Variants in TG observed in about 807,000 individuals in gnomAD.
TG encodes the protein thyroglobulin, also known as thyroid hormones.
Under a neutral mutation model 324.7 loss-of-function variants are expected in TG, and 270 were observed. The ratio of observed to expected loss-of-function variants is 0.83; its 90% confidence interval spans 0.75 to 0.92. TG has a LOEUF of 0.92. Among genes scored for constraint, TG ranks in the 40% least tolerant of loss-of-function variants. The pLI is 0.00. For missense variants in TG, 3,591 were observed against 3,456.4 expected, an observed-to-expected ratio of 1.04 and a Z score of -0.98; for synonymous variants, 1,401 against 1,327.0, an observed-to-expected ratio of 1.06 and a Z score of -1.21.
intron 11 of TG, among the ~76,000 whole-genome samples, chr8:132,896,006 G>A (rs978464073): frequency 3.9e-5 from 6 of 152,262 alleles, no homozygotes; most frequent in African/African-American, 7.2e-5. Flanking sequence ...TGGGGATTGA[G>A]GGCCCAGAGC....
intron 29 of TG, among the ~76,000 whole-genome samples, chr8:132,963,990 A>G (rs1385299443): frequency 1.3e-5 from 2 of 151,970 alleles, no homozygotes; most frequent in African/African-American, 4.8e-5. Context: ...TTAGATAGCA[A>G]CCACTTGGCA....
At chr8:133,019,531 T>A in intron 38 of TG, 71 bp from the exon 39 acceptor site, 1 of 1,363,948 alleles carries the variant, frequency 7.3e-7, no homozygotes, top group Non-Finnish European at 1.0e-6. Flanking sequence ...TAGTGGGCTC[T>A]GACCATGGTG....
intron 21 of TG, 84 bp from the exon 22 acceptor site, chr8:132,923,254 T>G: frequency 6.7e-7 from 1 of 1,484,818 alleles, no homozygotes; most frequent in South Asian, 1.2e-5. Context: ...TTGGACACCT[T>G]GTCAATGACC....
intron 22 of TG, 30 bp from the exon 23 acceptor site, chr8:132,929,046 T>C: frequency 1.3e-6 from 2 of 1,583,452 alleles, no homozygotes; most frequent in African/African-American, 2.7e-5. Context: ...CCCTTCTGAG[T>C]CAGATTTACT....
At chr8:132,898,952 C>G in intron 14 of TG, 42 bp downstream of exon 14, 1 of 1,533,016 alleles carries the variant, frequency 6.5e-7, no homozygotes, top group Non-Finnish European at 9.0e-7. Context: ...GGACTTGTCC[C>G]CGCTGGTCAG....
At chr8:132,896,454 A>G (rs1003707106) in intron 11 of TG, among the ~76,000 whole-genome samples, 2 of 152,180 alleles carry the variant, frequency 1.3e-5, no homozygotes, top group Non-Finnish European at 2.9e-5. Flanking sequence ...AACTGTCCCA[A>G]TGAACTGCAG....
At chr8:132,928,620 T>G (rs971315728) in intron 22 of TG, among the ~76,000 whole-genome samples, 3 of 152,234 alleles carry the variant, frequency 2.0e-5, no homozygotes, top group Non-Finnish European at 4.4e-5. Flanking sequence ...CTGAGCCACA[T>G]GACATGTCTT....
chr8:132,902,394 AG>A (rs1389416695), intron 16 of TG, among the ~76,000 whole-genome samples: 3 of 152,014 alleles, frequency 2.0e-5, no homozygotes, highest in African/African-American at 7.3e-5. Flanking sequence ...AGATGGGAGG[AG>A]CCTCAGAAGC....
chr8:133,030,954 C>T (rs1376847283), intron 41 of TG, among the ~76,000 whole-genome samples: 1 of 152,214 alleles, frequency 6.6e-6, no homozygotes, highest in Non-Finnish European at 1.5e-5. Context: ...CATGGGGAGC[C>T]TTCAGAGTGG....
At position 132,933,600 on chromosome 8, in the gene TG, C is replaced by T. The variant is rs759423976; in HGVS notation, c.4856C>T (p.Ser1619Phe). The change falls in exon 24 of 48, where the codon TCC (serine) becomes TTC (phenylalanine). Residue 1619 changes from serine to phenylalanine, a missense_variant. Coordinates refer to ENST00000220616, the MANE Select transcript of TG (RefSeq NM_003235.5). ...EDEACSFFTVSTTEPEISCDF... is the reference protein window; with the variant it reads ...EDEACSFFTVFTTEPEISCDF... The stretch of plus-strand genomic sequence containing the variant: ...GAGGCCTGCAGCTTCTTCACCGTGT[C>T]CACGACGGAGCCAGAGATTTCCTGT... 5 of 1,614,122 alleles carry T rather than the reference C, an allele frequency of 3.1e-6. No individual in the cohort carries two copies. Among genetic ancestry groups the T allele is most frequent in the Non-Finnish European group, 4.2e-6 (5 of 1,180,014 alleles).
At chr8:132,967,041 T>C (rs1220988720) in intron 30 of TG, among the ~76,000 whole-genome samples, 12 of 78,916 alleles carry the variant, frequency 1.5e-4, no homozygotes, top group African/African-American at 1.3e-3. Flanking sequence ...CATCCACCCA[T>C]CCATCCATCC....
chr8:132,900,804 T>C (rs1228440377), intron 15 of TG, among the ~76,000 whole-genome samples: 3 of 152,228 alleles, frequency 2.0e-5, no homozygotes, highest in African/African-American at 7.2e-5. Context: ...CATCTGGTGC[T>C]GGTGTGTCTT....
chr8:133,065,930 C>G (rs970995512), intron 41 of TG, among the ~76,000 whole-genome samples: 1 of 152,062 alleles, frequency 6.6e-6, no homozygotes, highest in Non-Finnish European at 1.5e-5. Context: ...GTCTGGGTTT[C>G]CAGCGGGGAT....
At chr8:132,957,658 A>G (rs1264154217) in intron 27 of TG, among the ~76,000 whole-genome samples, 1 of 150,154 alleles carries the variant, frequency 6.7e-6, no homozygotes, top group African/African-American at 2.4e-5. Flanking sequence ...GGCTCTTAGG[A>G]AGGGGCAGGC....
At chr8:132,870,583 T>C (rs1265978530) in intron 3 of TG, among the ~76,000 whole-genome samples, 1 of 151,838 alleles carries the variant, frequency 6.6e-6, no homozygotes, top group African/African-American at 2.4e-5. Context: ...TCAGTCCATT[T>C]GTGTTGTTAT....
intron 35 of TG, among the ~76,000 whole-genome samples, chr8:132,989,835 G>A (rs1252980761): frequency 2.0e-5 from 3 of 152,298 alleles, no homozygotes; most frequent in Admixed American, 6.5e-5. Flanking sequence ...GAAGCAATGC[G>A]ACATCACGGT....
At chr8:132,965,488 A>C (rs552350476) in intron 29 of TG, among the ~76,000 whole-genome samples, 1 of 152,216 alleles carries the variant, frequency 6.6e-6, no homozygotes, top group East Asian at 1.9e-4. Context: ...TGCCCCTTAT[A>C]CAGAGCCCTG....
intron 41 of TG, chr8:133,060,330 T>C (rs758332664): frequency 3.0e-5 from 46 of 1,554,134 alleles, no homozygotes; most frequent in East Asian, 9.8e-5. Flanking sequence ...GCTGTTTATA[T>C]GTGAAGATGA....
At chr8:133,098,578 T>C (rs56967999) in intron 43 of TG, among the ~76,000 whole-genome samples, 8,488 of 152,272 alleles carry the variant, frequency 0.056, 759 homozygotes, top group African/African-American at 0.19. Flanking sequence ...CTTTGGACCA[T>C]GTACTGAAAA....
Sources: gnomAD v4.1 joint callset for allele counts (sites outside exome capture counted in the v4.1 genomes callset) on GRCh38, gnomAD v4.1.1 for gene constraint, MANE v1.5 for transcripts, NCBI Gene and HGNC (gene_info 2026-07-23, HGNC 2026-07-21) for gene names.